Variants in SEMG2 observed in about 807,000 individuals in gnomAD.
The protein encoded by SEMG2 is semenogelin-2.
A neutral mutation model predicts 8.1 loss-of-function variants in SEMG2; 3 were observed. That is an observed-to-expected ratio of 0.37 (90% CI 0.17 to 0.96). The LOEUF (loss-of-function observed/expected upper bound fraction) is 0.96. Ranked by LOEUF, SEMG2 falls within the 40% of genes least tolerant of loss-of-function variation. The pLI is 0.41. For synonymous variants in SEMG2, 252 were observed against 231.4 expected, an observed-to-expected ratio of 1.09 and a Z score of -0.81; for missense variants, 726 against 671.2, an observed-to-expected ratio of 1.08 and a Z score of -0.90.
At position 45,222,764 on chromosome 20, in the gene SEMG2, A is replaced by T; in HGVS notation, c.1132A>T (p.Thr378Ser). The change falls in exon 2 of 3, where the codon ACT (threonine) becomes TCT (serine). Residue 378 changes from threonine (T) to serine (S), a missense_variant. Coordinates refer to ENST00000372769, the MANE Select transcript of SEMG2 (RefSeq NM_003008.3). ...GVSKGSISIQ[T>S]EEQIHGKSQN... ...ATCCAAAGGCAGTATTTCGATCCAA[A>T]CTGAAGAGCAAATACATGGCAAGTC... 3.1e-6 allele frequency: 5 copies of T among 1,614,196 alleles called. No homozygotes were observed. The highest frequency in any genetic ancestry group is 4.2e-6 in the Non-Finnish European group (5 of 1,180,020).
intron 1 of SEMG2, 111 bp downstream of exon 1, chr20:45,221,576 G>C (rs541283961): frequency 7.0e-7 from 1 of 1,424,750 alleles, no homozygotes; most frequent in Non-Finnish European, 9.6e-7. Context: ...TCCTTGATGA[G>C]AATTGATTTT....
At position 45,222,999 on chromosome 20, in the gene SEMG2, A is replaced by C. The variant is rs117901984; in HGVS notation, c.1367A>C (p.Asp456Ala). The C allele has an allele frequency of 1.9e-5, 31 of 1,614,056 alleles. No homozygotes were observed. Among genetic ancestry groups the C allele is most frequent in the Non-Finnish European group, 2.6e-5 (31 of 1,179,990 alleles). ...SQNQVTIPSQ[D>A]QEHGHKENKM... ...AACCAGGTAACAATTCCTAGTCAAG[A>C]TCAAGAGCATGGCCATAAGGAAAAT... The change falls in exon 2 of 3, where the codon GAT becomes GCT. Residue 456 changes from aspartate to alanine, a missense_variant. Asp to Ala is a moderately radical substitution (Grantham distance 126). Coordinates refer to ENST00000372769, the MANE Select transcript of SEMG2 (RefSeq NM_003008.3).
Position 45,222,849 on chromosome 20 carries a change from TATC to T in SEMG2, c.1220_1222del (p.Ser407del), listed in dbSNP as rs1363802859. The stretch of plus-strand genomic sequence containing the variant: ...GAGTATGGCCATAAGGAAAATAAAA[TATC>T]ATACCAATCTTCGAGTACAGAAGAA... On this transcript the variant is annotated inframe_deletion, in exon 2 of 3. Coordinates refer to ENST00000372769, the MANE Select transcript of SEMG2 (RefSeq NM_003008.3). The T allele has an allele frequency of 6.2e-7, 1 of 1,613,432 alleles. No individual in the cohort carries two copies. Among genetic ancestry groups the T allele is most frequent in the Non-Finnish European group, 8.5e-7 (1 of 1,179,914 alleles).
chr20:45,223,457 G>A, intron 2 of SEMG2, 32 bp downstream of exon 2: 3 of 1,002,934 alleles, frequency 3.0e-6, no homozygotes, highest in Non-Finnish European at 4.5e-6. Context: ...AATAGGAGAG[G>A]TGCCTGTCCC....
rs755633490 is a variant in SEMG2 at position 45,222,810 on chromosome 20, C to A, written c.1178C>A (p.Pro393His). 7 of 1,613,002 alleles carry A rather than the reference C, an allele frequency of 4.3e-6. No individual in the cohort carries two copies. The highest frequency in any genetic ancestry group is 2.2e-5 in the South Asian group (2 of 91,004). The change falls in exon 2 of 3, where the codon CCT becomes CAT. Residue 393 changes from proline to histidine, a missense_variant. By Grantham distance (77) the Pro-to-His change is moderately conservative. Transcript: ENST00000372769. ...HGKSQNQVRI[P>H]SQAQEYGHKE... ...AAGTCTCAAAACCAGGTAAGAATTCCTAGTCAAGCTCAAGAGTATGGCCAT... is the reference window on the plus strand; with the variant it reads ...AAGTCTCAAAACCAGGTAAGAATTCATAGTCAAGCTCAAGAGTATGGCCAT...
Position 45,222,842 on chromosome 20 carries a change from A to C in SEMG2, c.1210A>C (p.Asn404His). 1 of 1,614,058 alleles carries C rather than the reference A, an allele frequency of 6.2e-7. No homozygotes were observed. Among genetic ancestry groups the C allele is most frequent in the South Asian group, 1.1e-5 (1 of 91,068 alleles). ...SQAQEYGHKE[N>H]KISYQSSSTE... ...AGCTCAAGAGTATGGCCATAAGGAAAATAAAATATCATACCAATCTTCGAG... is the reference window on the plus strand; with the variant it reads ...AGCTCAAGAGTATGGCCATAAGGAACATAAAATATCATACCAATCTTCGAG... Residue 404 changes from asparagine to histidine, a missense_variant, in exon 2 of 3, where the codon AAT (asparagine) becomes CAT (histidine). Coordinates refer to ENST00000372769, the MANE Select transcript of SEMG2 (RefSeq NM_003008.3).
In SEMG2 at chr20:45,221,837, T is replaced by C; in HGVS notation, c.205T>C (p.Tyr69His). ...AGGCAGTTTTTCTATTCAACACACATATCATGTAGACATCAATGATCATGA... is the reference window on the plus strand; with the variant it reads ...AGGCAGTTTTTCTATTCAACACACACATCATGTAGACATCAATGATCATGA... ...SKGSFSIQHT[Y>H]HVDINDHDWT... The change falls in exon 2 of 3, where the codon TAT (tyrosine) becomes CAT (histidine). Residue 69 changes from tyrosine (Y) to histidine (H), a missense_variant. Tyr to His is a moderately conservative substitution (Grantham distance 83). Coordinates refer to ENST00000372769, the MANE Select transcript of SEMG2 (RefSeq NM_003008.3). 6.2e-7 allele frequency: 1 copy of C among 1,614,104 alleles called. No homozygotes were observed. Among genetic ancestry groups the C allele is most frequent in the Non-Finnish European group, 8.5e-7 (1 of 1,179,972 alleles).
At position 45,223,241 on chromosome 20, in the gene SEMG2, C is replaced by A; in HGVS notation, c.1609C>A (p.Leu537Ile). 6.2e-7 allele frequency: 1 copy of A among 1,614,086 alleles called. No homozygotes were observed. The highest frequency in any genetic ancestry group is 8.5e-7 in the Non-Finnish European group (1 of 1,179,978). The change falls in exon 2 of 3, where the codon CTA (leucine) becomes ATA (isoleucine). Residue 537 changes from leucine to isoleucine, a missense_variant. Physicochemically the swap from Leu to Ile is conservative, Grantham distance 5. Coordinates refer to ENST00000372769, the MANE Select transcript of SEMG2 (RefSeq NM_003008.3). ...SGQSADSKQD[L>I]LSHEQKGRYK... is the part of the protein sequence containing the mutation. ...TCAATCTGCAGATAGCAAACAAGAC[C>A]TACTCAGTCATGAACAAAAAGGCAG...
chr20:45,221,608 T>C, intron 1 of SEMG2, 101 bp from the exon 2 acceptor site: 1 of 1,402,114 alleles, frequency 7.1e-7, no homozygotes, highest in Non-Finnish European at 9.8e-7. Context: ...CGCTGTAGGC[T>C]TTTGGAAATA....
rs552695106 is a variant in SEMG2 at position 45,222,332 on chromosome 20, C to G, written c.700C>G (p.Leu234Val). 2.5e-6 allele frequency: 4 copies of G among 1,614,096 alleles called. No individual in the cohort carries two copies. The highest frequency in any genetic ancestry group is 1.7e-5 in the Admixed American group (1 of 60,014). Reference sequence around the variant, plus strand: ...CGTGAGAGAGGAACATTCAAGTAAACTACAAACTTCACTCCATCCTGCACA... The same window carrying G: ...CGTGAGAGAGGAACATTCAAGTAAAGTACAAACTTCACTCCATCCTGCACA... ...VDVREEHSSK[L>V]QTSLHPAHQD... Residue 234 changes from leucine to valine, a missense_variant, in exon 2 of 3, where the codon CTA becomes GTA. Coordinates refer to ENST00000372769, the MANE Select transcript of SEMG2 (RefSeq NM_003008.3).
At position 45,222,913 on chromosome 20, in the gene SEMG2, A is replaced by T. The variant is rs775328211; in HGVS notation, c.1281A>T (p.Lys427Asn). 1 of 1,613,796 alleles carries T rather than the reference A, an allele frequency of 6.2e-7. No homozygotes were observed. Among genetic ancestry groups the T allele is most frequent in the Non-Finnish European group, 8.5e-7 (1 of 1,179,926 alleles). ...RLNSGEKDVQ[K>N]GVSKGSISIQ... is the part of the protein sequence containing the mutation. Reference sequence around the variant, plus strand: ...ACAGTGGAGAAAAGGATGTACAGAAAGGTGTATCCAAAGGCAGTATTTCTA... The same window carrying T: ...ACAGTGGAGAAAAGGATGTACAGAATGGTGTATCCAAAGGCAGTATTTCTA... The change falls in exon 2 of 3, where the codon AAA becomes AAT. Residue 427 changes from lysine to asparagine, a missense_variant. Lys to Asn is a moderately conservative substitution (Grantham distance 94). Transcript: ENST00000372769.
Position 45,222,689 on chromosome 20 carries a change from A to G in SEMG2, c.1057A>G (p.Thr353Ala), listed in dbSNP as rs1372710208. The part of the protein sequence containing the change: ...ENKISYQSSS[T>A]EERHLNCGEK... The stretch of plus-strand genomic sequence containing the variant: ...TAAAATATCATACCAATCTTCAAGT[A>G]CAGAAGAAAGACATCTCAACTGTGG... Residue 353 changes from threonine (T) to alanine (A), a missense_variant, in exon 2 of 3, where the codon ACA (threonine) becomes GCA (alanine). Physicochemically the swap from Thr to Ala is moderately conservative, Grantham distance 58. Transcript: ENST00000372769. 1 of 1,613,640 alleles carries G rather than the reference A, an allele frequency of 6.2e-7. No homozygotes were observed.
chr20:45,222,205 A>G lies in SEMG2; in HGVS notation c.573A>G (p.Gln191=), dbSNP rs1984033374. 6.2e-7 allele frequency: 1 copy of G among 1,614,180 alleles called. No homozygotes were observed. The highest frequency in any genetic ancestry group is 1.1e-5 in the South Asian group (1 of 91,074). Residue 191 remains glutamine, a synonymous_variant, in exon 2 of 3, where the codon CAA becomes CAG. Transcript: ENST00000372769. ...AAGGTAGAACACAAGGTGGATCCCA[A>G]AGCAGTTATGTTCTCCAAACTGAAG... The part of the protein sequence containing the change: ...AQKGRTQGGS[Q]SSYVLQTEEL...
Position 45,223,171 on chromosome 20 carries a change from T to C in SEMG2, c.1539T>C (p.Pro513=), listed in dbSNP as rs1344424490. Residue 513 remains proline, a synonymous_variant, in exon 2 of 3, where the codon CCT becomes CCC. Transcript: ENST00000372769. ...EGKSQIQTPN[P]NQDQWSGQNA... Reference sequence around the variant, plus strand: ...AGTCTCAAATCCAGACACCAAATCCTAATCAAGATCAATGGTCTGGCCAAA... The same window carrying C: ...AGTCTCAAATCCAGACACCAAATCCCAATCAAGATCAATGGTCTGGCCAAA... 6.2e-7 allele frequency: 1 copy of C among 1,614,122 alleles called. No individual in the cohort carries two copies. The highest frequency in any genetic ancestry group is 1.3e-5 in the African/African-American group (1 of 75,060).
Position 45,222,882 on chromosome 20 carries a change from G to A in SEMG2, c.1250G>A (p.Arg417His), listed in dbSNP as rs144708311. 1,517 of 1,609,190 alleles carry A rather than the reference G, an allele frequency of 9.4e-4. 4 individuals are homozygous for A. The African/African-American group carries it at 0.01, about 11-fold the overall frequency. Residue 417 changes from arginine to histidine, a missense_variant, in exon 2 of 3, where the codon CGT becomes CAT. Transcript: ENST00000372769. Reference protein sequence around the residue: ...SYQSSSTEERRLNSGEKDVQK... With the variant: ...SYQSSSTEERHLNSGEKDVQK... ...CAATCTTCGAGTACAGAAGAAAGAC[G>A]TCTCAACAGTGGAGAAAAGGATGTA...
At position 45,222,000 on chromosome 20, in the gene SEMG2, T is replaced by G. The variant is rs1372982968; in HGVS notation, c.368T>G (p.Phe123Cys). ...GACCATGATAAATCAAAAGGTCATT[T>G]TCACATGATAGTTATACATCATAAA... ...GRDHDKSKGH[F>C]HMIVIHHKGG... Residue 123 changes from phenylalanine (F) to cysteine (C), a missense_variant, in exon 2 of 3, where the codon TTT becomes TGT. Physicochemically the swap from Phe to Cys is radical, Grantham distance 205 (BLOSUM62 -2). Coordinates refer to ENST00000372769, the MANE Select transcript of SEMG2 (RefSeq NM_003008.3). 6.2e-7 allele frequency: 1 copy of G among 1,614,124 alleles called. No homozygotes were observed.
chr20:45,223,265 A>G lies in SEMG2; in HGVS notation c.1633A>G (p.Arg545Gly). The G allele has an allele frequency of 6.2e-7, 1 of 1,614,190 alleles. No homozygotes were observed. Among genetic ancestry groups the G allele is most frequent in the Non-Finnish European group, 8.5e-7 (1 of 1,179,996 alleles). ...CCTACTCAGTCATGAACAAAAAGGC[A>G]GATACAAACAGGAATCCAGTGAGTC... ...QDLLSHEQKG[R>G]YKQESSESHN... The change falls in exon 2 of 3, where the codon AGA becomes GGA. Residue 545 changes from arginine to glycine, a missense_variant. Arg to Gly is a moderately radical substitution (Grantham distance 125, BLOSUM62 -2). Coordinates refer to ENST00000372769, the MANE Select transcript of SEMG2 (RefSeq NM_003008.3).
rs115928916 is a variant in SEMG2 at position 45,222,400 on chromosome 20, C to T, written c.768C>T (p.Thr256=). 841 of 1,614,090 alleles carry T rather than the reference C, an allele frequency of 5.2e-4. 3 individuals are homozygous for T. The African/African-American group carries it at 9.4e-3, about 18-fold the overall frequency. Residue 256 remains threonine (T), a synonymous_variant, in exon 2 of 3, where the codon ACC becomes ACT. Transcript: ENST00000372769. ...ATGGACCCAAAGACATTTTTACTAC[C>T]CAAGATGAGCTCCTAGTATATAACA... The part of the protein sequence containing the change: ...LQHGPKDIFT[T]QDELLVYNKN...
In SEMG2 at chr20:45,223,139, G is replaced by T; in HGVS notation, c.1507G>T (p.Glu503Ter). The change falls in exon 2 of 3, where the codon GAA becomes TAA. Residue 503 changes from glutamate to a stop codon, truncating the protein, a stop_gained. Transcript: ENST00000372769. LOFTEE classifies it low-confidence loss of function (END_TRUNC). Reference sequence around the variant, plus strand: ...TTCTTTCCAAATTGAAAAGCTAGTAGAAGGCAAGTCTCAAATCCAGACACC... The same window carrying T: ...TTCTTTCCAAATTGAAAAGCTAGTATAAGGCAAGTCTCAAATCCAGACACC... ...SISFQIEKLV[E>*]GKSQIQTPNP... 1.2e-6 allele frequency: 2 copies of T among 1,613,962 alleles called. No homozygotes were observed. Among genetic ancestry groups the T allele is most frequent in the South Asian group, 2.2e-5 (2 of 91,054 alleles).
Sources: allele counts gnomAD v4.1 joint callset, GRCh38; gene constraint gnomAD v4.1.1; transcripts MANE v1.5; gene names NCBI Gene and HGNC (gene_info 2026-07-23, HGNC 2026-07-21).